BMPR1A: variants seen among roughly 807,000 people sequenced by gnomAD.
BMPR1A encodes bone morphogenetic protein receptor type-1A.
In BMPR1A, 7 loss-of-function variants were observed where a neutral mutation model predicts 66.0. The observed-to-expected ratio is 0.11, with a 90% CI of 0.06 to 0.20. The LOEUF is 0.20. Among genes scored for constraint, BMPR1A ranks in the 10% least tolerant of loss-of-function variants. The pLI, the probability that BMPR1A is intolerant of heterozygous loss-of-function variation, is 1.00. For missense variants in BMPR1A, 408 were observed against 669.1 expected (o/e 0.61, Z 4.31); for synonymous variants, 200 against 229.7 (o/e 0.87, Z 1.17).
intron 1 of BMPR1A, among the ~76,000 whole-genome samples, chr10:86,790,305 A>G (rs533076558): frequency 6.8e-6 from 1 of 147,216 alleles, no homozygotes; most frequent in African/African-American, 2.5e-5. Context: ...GATAATAACA[A>G]ATGCTGGTAA....
chr10:86,812,470 C>G (rs1841984647), intron 1 of BMPR1A, among the ~76,000 whole-genome samples: 1 of 152,200 alleles, frequency 6.6e-6, no homozygotes, highest in African/African-American at 2.4e-5. Flanking sequence ...TAGAGCTGCT[C>G]TATACATTCA....
chr10:86,911,092 C>CT (rs1843474696), intron 7 of BMPR1A, among the ~76,000 whole-genome samples: 1 of 142,248 alleles, frequency 7.0e-6, no homozygotes, highest in Non-Finnish European at 1.5e-5. Flanking sequence ...GAGGTTGAAG[C>CT]TTCAGTGAGC....
chr10:86,921,412 A>T, intron 10 of BMPR1A, 108 bp from the exon 11 acceptor site: 1 of 1,418,334 alleles, frequency 7.1e-7, no homozygotes, highest in Non-Finnish European at 9.8e-7. Context: ...TCCACAATGC[A>T]TCTGGCCCCA....
chr10:86,909,584 C>A (rs1490279872), intron 7 of BMPR1A, among the ~76,000 whole-genome samples: 5 of 140,512 alleles, frequency 3.6e-5, no homozygotes, highest in African/African-American at 1.4e-4. Context: ...GAGACCCTAT[C>A]TCAAAAAAAA....
intron 2 of BMPR1A, among the ~76,000 whole-genome samples, chr10:86,857,616 C>T (rs1415782887): frequency 1.3e-5 from 2 of 151,820 alleles, no homozygotes; most frequent in South Asian, 2.1e-4. Context: ...AAGCCTGACT[C>T]GGGGAGAATA....
At chr10:86,867,081 T>A (rs1471484089) in intron 2 of BMPR1A, among the ~76,000 whole-genome samples, 1 of 152,230 alleles carries the variant, frequency 6.6e-6, no homozygotes, top group Non-Finnish European at 1.5e-5. Flanking sequence ...ATCATCTGTT[T>A]TAGGCTAGAC....
intron 1 of BMPR1A, 146 bp downstream of exon 1, chr10:86,757,065 C>G (rs1336237237): frequency 6.6e-6 from 1 of 150,576 alleles, no homozygotes; most frequent in South Asian, 2.1e-4. Context: ...CCGCAGGCCT[C>G]GGCGCGCGCT....
At chr10:86,851,212 A>G (rs1198780357) in intron 2 of BMPR1A, among the ~76,000 whole-genome samples, 1 of 152,120 alleles carries the variant, frequency 6.6e-6, no homozygotes, top group Non-Finnish European at 1.5e-5. Flanking sequence ...AGATCTAGAG[A>G]TATATTTTTA....
chr10:86,763,118 A>G (rs966101673), intron 1 of BMPR1A, among the ~76,000 whole-genome samples: 2 of 151,358 alleles, frequency 1.3e-5, no homozygotes, highest in Non-Finnish European at 2.9e-5. Context: ...CTGATCTCGA[A>G]CTCCTGACCT....
At chr10:86,872,841 A>C (rs1170984006) in intron 2 of BMPR1A, among the ~76,000 whole-genome samples, 2 of 152,134 alleles carry the variant, frequency 1.3e-5, no homozygotes, top group Non-Finnish European at 2.9e-5. Context: ...TGTAGCCTGG[A>C]ATTTCTGGGC....
intron 1 of BMPR1A, among the ~76,000 whole-genome samples, chr10:86,816,280 A>G (rs991686992): frequency 6.6e-6 from 1 of 152,254 alleles, no homozygotes; most frequent in Non-Finnish European, 1.5e-5. Context: ...ACATATTAAC[A>G]TCTTGTATTC....
rs1329515281 is a variant in BMPR1A at position 86,790,189 on chromosome 10, ATATATATATATATATATATATATATATAT to A, written c.-268+33271_-268+33299del. ...AAAAAAAAAAAAAAAAAAAAAAAAA[ATATATATATATATATATATATATATATAT>A]ATATATATATATATATATCAAAACC... is the stretch of plus-strand genomic sequence containing the variant. On this transcript the variant is annotated intron_variant, in intron 1 of 12. Transcript: ENST00000372037. 8.8e-3 allele frequency among the ~76,000 whole-genome samples: 116 copies of A among 13,198 alleles called. 27 individuals carry two copies. Among genetic ancestry groups the A allele is most frequent in the Admixed American group, 0.011 (9 of 796 alleles). 8.7% of individuals were successfully genotyped at this position (13,198 alleles called of 152,430 possible).
In BMPR1A at chr10:86,844,121, T is replaced by G. The variant is rs185546307; in HGVS notation, c.-153+5142T>G. On this transcript the variant is annotated intron_variant, in intron 2 of 12. Transcript: ENST00000372037. ...GTAGAGAAACATTAAAATTTATGTTTTACTGTACTGTTGGTCTCTTAATTT... is the reference window on the plus strand; with the variant it reads ...GTAGAGAAACATTAAAATTTATGTTGTACTGTACTGTTGGTCTCTTAATTT... 1.5e-3 allele frequency among the ~76,000 whole-genome samples: 231 copies of G among 152,320 alleles called. 1 individual carries two copies. Among genetic ancestry groups the G allele is most frequent in the African/African-American group, 5.2e-3 (218 of 41,566 alleles).
chr10:86,830,110 T>C (rs1262225290), intron 1 of BMPR1A, among the ~76,000 whole-genome samples: 1 of 151,944 alleles, frequency 6.6e-6, no homozygotes, highest in Non-Finnish European at 1.5e-5. Context: ...TGAGGGCCAG[T>C]GGATGGAAAA....
chr10:86,807,691 T>C (rs1365131004), intron 1 of BMPR1A, among the ~76,000 whole-genome samples: 2 of 152,222 alleles, frequency 1.3e-5, no homozygotes, highest in Admixed American at 1.3e-4. Flanking sequence ...TCCCCATCTT[T>C]CTTATGTATT....
In BMPR1A at chr10:86,855,068, G is replaced by C. The variant is rs11202229; in HGVS notation, c.-153+16089G>C. 2,185 of 241,154 alleles carry C rather than the reference G, an allele frequency of 9.1e-3. 36 individuals are homozygous for C. Among genetic ancestry groups the C allele is most frequent in the South Asian group, 0.078 (481 of 6,178 alleles). The allele number at this position is 241,154 out of a possible 1,614,324, so 14.9% of individuals were successfully genotyped here. Reference sequence around the variant, plus strand: ...TCTCCTCAGCCTCCCAAGTAGCTGGGATTACAGGCACCTGCCTCCACGCCC... The same window carrying C: ...TCTCCTCAGCCTCCCAAGTAGCTGGCATTACAGGCACCTGCCTCCACGCCC... On this transcript the variant is annotated intron_variant, in intron 2 of 12. Coordinates refer to ENST00000372037, the MANE Select transcript of BMPR1A (RefSeq NM_004329.3).
At chr10:86,780,649 G>A (rs1564681988) in intron 1 of BMPR1A, among the ~76,000 whole-genome samples, 2 of 151,890 alleles carry the variant, frequency 1.3e-5, no homozygotes, top group African/African-American at 2.4e-5. Flanking sequence ...TGGTCAGGCT[G>A]GTCTCGAGTT....
chr10:86,772,223 C>T (rs1175513381), intron 1 of BMPR1A, among the ~76,000 whole-genome samples: 9 of 150,906 alleles, frequency 6.0e-5, no homozygotes, highest in South Asian at 2.1e-4. Context: ...CTCCACCTCC[C>T]GGGTTCACGC....
intron 1 of BMPR1A, among the ~76,000 whole-genome samples, chr10:86,804,693 A>C (rs1314880999): frequency 6.6e-6 from 1 of 151,932 alleles, no homozygotes; most frequent in Non-Finnish European, 1.5e-5. Context: ...CCACCAGTGA[A>C]TAACCCAAGT....
Sources: gnomAD v4.1 joint callset for allele counts (sites outside exome capture counted in the v4.1 genomes callset) on GRCh38, gnomAD v4.1.1 for gene constraint, MANE v1.5 for transcripts, NCBI Gene and HGNC (gene_info 2026-07-23, HGNC 2026-07-21) for gene names.